The following MPDZ variants were observed in gnomAD, a reference collection of about 807,000 sequenced individuals.
MPDZ encodes multiple PDZ domain crumbs cell polarity complex component.
MPDZ carries 234 observed loss-of-function variants against 239.1 expected under a neutral mutation model. The observed-to-expected ratio is 0.98, with a 90% CI of 0.88 to 1.09. The LOEUF (loss-of-function observed/expected upper bound fraction) is 1.09. Ranked by LOEUF, MPDZ falls within the 50% of genes least tolerant of loss-of-function variation. The pLI is 0.00. For synonymous variants in MPDZ, 1,048 were observed against 881.3 expected (o/e 1.19, Z -3.35); for missense variants, 3,175 against 2,510.0 (o/e 1.26, Z -5.66).
At chr9:13,112,248 G>C (rs1435067705) in intron 42 of MPDZ, 102 bp from the exon 43 acceptor site, 3 of 1,181,136 alleles carry the variant, frequency 2.5e-6, no homozygotes, top group Non-Finnish European at 3.4e-6. Flanking sequence ...GATTTTCTAA[G>C]TGTGAGGGGG....
chr9:13,275,926 T>C (rs376336506), intron 1 of MPDZ, among the ~76,000 whole-genome samples: 2 of 152,158 alleles, frequency 1.3e-5, no homozygotes, highest in East Asian at 1.9e-4. Flanking sequence ...CTCTACTTCA[T>C]ATCAAAAAAA....
intron 1 of MPDZ, among the ~76,000 whole-genome samples, chr9:13,252,056 A>G (rs545922206): frequency 6.6e-6 from 1 of 152,314 alleles, no homozygotes; most frequent in African/African-American, 2.4e-5. Flanking sequence ...TAACTATGAT[A>G]TATTTATTCA....
intron 43 of MPDZ, among the ~76,000 whole-genome samples, chr9:13,111,407 G>A (rs1457103625): frequency 6.6e-6 from 1 of 152,134 alleles, no homozygotes; most frequent in South Asian, 2.1e-4. Context: ...ACTAAAATGT[G>A]GTTATGTTCT....
intron 22 of MPDZ, among the ~76,000 whole-genome samples, chr9:13,167,127 G>A (rs1256644611): frequency 2.0e-5 from 3 of 152,050 alleles, no homozygotes; most frequent in Non-Finnish European, 4.4e-5. Context: ...AAAACCCTGC[G>A]ATAAATACAT....
intron 12 of MPDZ, among the ~76,000 whole-genome samples, chr9:13,198,283 A>T (rs1391817279): frequency 4.6e-5 from 7 of 152,090 alleles, no homozygotes; most frequent in Non-Finnish European, 1.0e-4. Flanking sequence ...TTTGGATAAA[A>T]GCCATTTTAA....
chr9:13,117,736 A>G (rs947832772), intron 39 of MPDZ, among the ~76,000 whole-genome samples: 2 of 152,196 alleles, frequency 1.3e-5, no homozygotes, highest in African/African-American at 4.8e-5. Flanking sequence ...TATTTACATA[A>G]GAGTTTTAAA....
Position 13,126,690 on chromosome 9 carries a change from AC to A in MPDZ, c.4546del (p.Val1516Ter). 1 of 1,613,700 alleles carries A rather than the reference AC, an allele frequency of 6.2e-7. No homozygotes were observed. Among genetic ancestry groups the A allele is most frequent in the Non-Finnish European group, 8.5e-7 (1 of 1,179,690 alleles). ...VIIKSLTEHG[V>X]AATDGRLKVG... ...AAAGGTAAACCTCACCGTGGCTGCT[AC>A]CCCATGCTCTGTTAAGCTCTTTATG... On this transcript the variant is annotated frameshift_variant, in exon 33 of 47. Transcript: ENST00000319217. LOFTEE classifies it high-confidence loss of function.
At position 13,178,278 on chromosome 9, in the gene MPDZ, T is replaced by G. The variant is rs556910006; in HGVS notation, c.2650-1861A>C. ...CATCTCAAAAAAAAAAAAAAAAAAATTTGGTACATACTGCTAACTTGTGTT... is the reference window on the plus strand; with the variant it reads ...CATCTCAAAAAAAAAAAAAAAAAAAGTTGGTACATACTGCTAACTTGTGTT... On this transcript the variant is annotated intron_variant, in intron 19 of 46. Coordinates refer to ENST00000319217, the MANE Select transcript of MPDZ (RefSeq NM_001378778.1). 5.9e-5 allele frequency among the ~76,000 whole-genome samples: 8 copies of G among 136,004 alleles called. No homozygotes were observed. In the East Asian group the frequency reaches 1.5e-3, roughly 26 times the overall value. The allele number at this position is 136,004 out of a possible 152,430, so 89.2% of individuals were successfully genotyped here.
At chr9:13,140,655 G>T (rs1434619747) in intron 27 of MPDZ, among the ~76,000 whole-genome samples, 1 of 151,446 alleles carries the variant, frequency 6.6e-6, no homozygotes, top group Non-Finnish European at 1.5e-5. Flanking sequence ...TAAATGACTT[G>T]GTAGAAAATT....
At chr9:13,125,476 T>A in intron 34 of MPDZ, 86 bp from the exon 35 acceptor site, 1 of 1,233,924 alleles carries the variant, frequency 8.1e-7, no homozygotes, top group Non-Finnish European at 1.1e-6. Flanking sequence ...CAATGGAATC[T>A]AATTCTCTCT....
chr9:13,185,744 T>G (rs1043246581), intron 18 of MPDZ, among the ~76,000 whole-genome samples: 1 of 152,132 alleles, frequency 6.6e-6, no homozygotes, highest in Admixed American at 6.6e-5. Flanking sequence ...AAATAAAATT[T>G]TAATTTATAA....
chr9:13,143,557 G>C lies in MPDZ; in HGVS notation c.3749C>G (p.Pro1250Arg). 1 of 1,612,506 alleles carries C rather than the reference G, an allele frequency of 6.2e-7. No homozygotes were observed. The change falls in exon 27 of 47, where the codon CCT (proline) becomes CGT (arginine). Residue 1250 changes from proline to arginine, a missense_variant. Physicochemically the swap from Pro to Arg is moderately radical, Grantham distance 103. Transcript: ENST00000319217. Reference sequence around the variant, plus strand: ...AAGGTTGTGCAGCAAGGAAGGCAAAGGGGATTTCTAAAAGGAAACATAAGA... The same window carrying C: ...AAGGTTGTGCAGCAAGGAAGGCAAACGGGATTTCTAAAAGGAAACATAAGA... Reference protein sequence around the residue: ...QSIINRPRKSPLPSLLHNLYP... With the variant: ...QSIINRPRKSRLPSLLHNLYP...
chr9:13,116,238 C>G (rs1262236590), intron 39 of MPDZ, among the ~76,000 whole-genome samples: 2 of 152,144 alleles, frequency 1.3e-5, no homozygotes, highest in Non-Finnish European at 2.9e-5. Context: ...GTTTGAGATC[C>G]TGTTTTGGAG....
At chr9:13,182,071 C>G (rs1352355200) in intron 19 of MPDZ, among the ~76,000 whole-genome samples, 1 of 152,048 alleles carries the variant, frequency 6.6e-6, no homozygotes, top group Non-Finnish European at 1.5e-5. Context: ...AAAGAAAATG[C>G]TTTGAAAATG....
chr9:13,126,133 C>T lies in MPDZ; in HGVS notation c.4632+383G>A, dbSNP rs1001537342. On this transcript the variant is annotated intron_variant, in intron 34 of 46. Transcript: ENST00000319217. The stretch of plus-strand genomic sequence containing the variant: ...ATATGTTTAACCCTAATAAAAATTA[C>T]GTATTTAATGGTTGAGTCTTACAAT... Among the ~76,000 whole-genome samples the T allele has an allele frequency of 9.2e-5, 14 of 152,178 alleles. No homozygotes were observed. In the East Asian group the frequency reaches 1.5e-3, roughly 17 times the overall value.
chr9:13,128,443 C>G (rs1945434606), intron 32 of MPDZ, among the ~76,000 whole-genome samples: 1 of 152,194 alleles, frequency 6.6e-6, no homozygotes, highest in Admixed American at 6.5e-5. Context: ...ATGTCCAGCC[C>G]AGTCAAATCT....
chr9:13,109,510 TCTC>T (rs1262247426), intron 45 of MPDZ, among the ~76,000 whole-genome samples: 2 of 152,160 alleles, frequency 1.3e-5, no homozygotes, highest in Admixed American at 6.5e-5. Context: ...GCCTCTCTCT[TCTC>T]CTCTGTTTTC....
At chr9:13,158,685 G>A (rs1287934817) in intron 23 of MPDZ, among the ~76,000 whole-genome samples, 1 of 152,102 alleles carries the variant, frequency 6.6e-6, no homozygotes, top group Non-Finnish European at 1.5e-5. Context: ...CTTCTTAATG[G>A]AAGAAGCAGT....
At chr9:13,113,277 T>C (rs1274490748) in intron 41 of MPDZ, among the ~76,000 whole-genome samples, 1 of 152,180 alleles carries the variant, frequency 6.6e-6, no homozygotes, top group African/African-American at 2.4e-5. Flanking sequence ...CTTCTCATTT[T>C]AAGTGTTGAT....
Sources: gnomAD v4.1 joint callset for allele counts (sites outside exome capture counted in the v4.1 genomes callset) on GRCh38, gnomAD v4.1.1 for gene constraint, MANE v1.5 for transcripts, NCBI Gene and HGNC (gene_info 2026-07-23, HGNC 2026-07-21) for gene names.